Variants in GSE1 observed in about 807,000 individuals in gnomAD.
GSE1 encodes genetic suppressor element 1.
Under a neutral mutation model 112.6 loss-of-function variants are expected in GSE1, and 32 were observed. The ratio of observed to expected loss-of-function variants is 0.28; its 90% CI spans 0.21 to 0.38. The LOEUF (loss-of-function observed/expected upper bound fraction) is 0.38, where lower values mean the gene tolerates loss of function less well. GSE1 is among the 10% of genes least tolerant of loss of function. GSE1 has a pLI of 1.00. For missense variants in GSE1, 2,348 were observed against 1,699.2 expected (o/e 1.38, Z -6.71); for synonymous variants, 1,115 against 735.6 (o/e 1.52, Z -8.35).
chr16:85,645,530 G>A (rs1348023857), intron 2 of GSE1, among the ~76,000 whole-genome samples: 1 of 152,138 alleles, frequency 6.6e-6, no homozygotes, highest in Admixed American at 6.5e-5. Flanking sequence ...GAGCACCTTT[G>A]GGAGAGCAAA....
chr16:85,248,687 C>T (rs749367635), intron 1 of GSE1, among the ~76,000 whole-genome samples: 1 of 152,228 alleles, frequency 6.6e-6, no homozygotes, highest in African/African-American at 2.4e-5. Flanking sequence ...CTTTGGGAAC[C>T]TTATCTTGGC....
At chr16:85,257,777 T>A (rs1208509156) in intron 1 of GSE1, among the ~76,000 whole-genome samples, 5 of 152,298 alleles carry the variant, frequency 3.3e-5, no homozygotes, top group Non-Finnish European at 7.3e-5. Context: ...ATGGCATCAT[T>A]GCCTGGGCAA....
At chr16:85,440,939 C>T (rs1158823267) in intron 2 of GSE1, among the ~76,000 whole-genome samples, 1 of 152,204 alleles carries the variant, frequency 6.6e-6, no homozygotes, top group African/African-American at 2.4e-5. Flanking sequence ...CAATTCGAGC[C>T]CTGGGCCACT....
intron 1 of GSE1, among the ~76,000 whole-genome samples, chr16:85,346,418 GGTGA>G (rs2046739107): frequency 1.4e-5 from 1 of 71,272 alleles, no homozygotes; most frequent in African/African-American, 4.1e-5. Context: ...CGGGTGGATG[GGTGA>G]TGGACAGGTG....
intron 2 of GSE1, among the ~76,000 whole-genome samples, chr16:85,496,150 G>A (rs1317376112): frequency 3.3e-5 from 5 of 152,170 alleles, no homozygotes; most frequent in Non-Finnish European, 4.4e-5. Context: ...CCGAGCCTGC[G>A]GTGACAGTGA....
At position 85,383,364 on chromosome 16, in the gene GSE1, G is replaced by T. The variant is rs557045689; in HGVS notation, c.2464+25721G>T. Among the ~76,000 whole-genome samples the T allele has an allele frequency of 1.6e-4, 24 of 150,198 alleles. No homozygotes were observed. In the South Asian group the frequency reaches 5.1e-3, roughly 32 times the overall value. ...GACATACACCTGCACCCAATAGACA[G>T]CTGCATACACACAGCACACATACAC... On this transcript the variant is annotated intron_variant, in intron 2 of 2. Coordinates refer to the GSE1 transcript ENST00000637419.
At chr16:85,235,881 C>G (rs1001720108) in intron 1 of GSE1, among the ~76,000 whole-genome samples, 1 of 151,928 alleles carries the variant, frequency 6.6e-6, no homozygotes, top group Non-Finnish European at 1.5e-5. Context: ...CAGCGGCGCC[C>G]GCGCCCCGCC....
rs1336379204 is a variant in GSE1, at chr16:85,661,047, G to A, written c.1641-99G>A. On this transcript the variant is annotated intron_variant, in intron 8 of 15. Transcript: ENST00000253458. The stretch of plus-strand genomic sequence containing the variant: ...TGGCACTGGCTCTCTAAGGGGCTGC[G>A]CCATCTGTGTCATCTTAGGAGCGGC... 1.2e-5 allele frequency: 14 copies of A among 1,160,814 alleles called. No homozygotes were observed. In the South Asian group the frequency reaches 1.3e-4, roughly 11 times the overall value. The allele number at this position is 1,160,814 out of a possible 1,614,324, so 71.9% of individuals were successfully genotyped here. A position where few individuals can be genotyped will look rare whatever the true frequency, so the allele number is the denominator to read the frequency against.
intron 2 of GSE1, among the ~76,000 whole-genome samples, chr16:85,485,291 G>T (rs1303080077): frequency 6.6e-6 from 1 of 152,228 alleles, no homozygotes; most frequent in Non-Finnish European, 1.5e-5. Flanking sequence ...GAATGGCGTT[G>T]GTCCGGAGAG....
intron 1 of GSE1, among the ~76,000 whole-genome samples, chr16:85,313,212 C>A (rs944449851): frequency 1.3e-5 from 2 of 152,154 alleles, no homozygotes; most frequent in Non-Finnish European, 2.9e-5. Context: ...ATTCATGGAC[C>A]GGGGGCAGCA....
Position 85,666,029 on chromosome 16 carries a change from G to A in GSE1, c.2812G>A (p.Ala938Thr). 1 of 1,613,706 alleles carries A rather than the reference G, an allele frequency of 6.2e-7. No individual in the cohort carries two copies. The highest frequency in any genetic ancestry group is 8.5e-7 in the Non-Finnish European group (1 of 1,179,996). The part of the protein sequence containing the change: ...LDVEKPVGVA[A>T]SLSDIPKAAE... Reference sequence around the variant, plus strand: ...TGTGGAGAAGCCGGTTGGTGTTGCTGCTTCCTTGTCTGACATCCCAAAGGC... The same window carrying A: ...TGTGGAGAAGCCGGTTGGTGTTGCTACTTCCTTGTCTGACATCCCAAAGGC... Residue 938 changes from alanine (A) to threonine (T), a missense_variant, in exon 13 of 16, where the codon GCT becomes ACT. Ala to Thr is a moderately conservative substitution (Grantham distance 58). Transcript: ENST00000253458.
At chr16:85,653,361 C>T (rs555906750) in intron 3 of GSE1, among the ~76,000 whole-genome samples, 1 of 125,768 alleles carries the variant, frequency 8.0e-6, no homozygotes, top group South Asian at 3.0e-4. Context: ...CAAGCAAGGC[C>T]TTTTCATGCT....
intron 14 of GSE1, among the ~76,000 whole-genome samples, chr16:85,669,994 G>A (rs1047600144): frequency 3.3e-5 from 5 of 152,200 alleles, no homozygotes; most frequent in African/African-American, 9.6e-5. Context: ...TTTTAGGATC[G>A]CCTTATATTC....
Position 85,663,495 on chromosome 16 carries a change from G to T in GSE1, c.2525G>T (p.Arg842Ile). 6.2e-7 allele frequency: 1 copy of T among 1,613,978 alleles called. No homozygotes were observed. The highest frequency in any genetic ancestry group is 1.6e-4 in the Middle Eastern group (1 of 6,062). The change falls in exon 11 of 16, where the codon AGA (arginine) becomes ATA (isoleucine). Residue 842 changes from arginine to isoleucine, a missense_variant. Transcript: ENST00000253458. ...AGCAAGCGGCAGACGCCTTCACCGA[G>T]ACTGGCGCTGTCTACCCGCTACAGC... Reference protein sequence around the residue: ...IQSKRQTPSPRLALSTRYSPD... With the variant: ...IQSKRQTPSPILALSTRYSPD...
intron 1 of GSE1, among the ~76,000 whole-genome samples, chr16:85,246,999 G>A (rs565995455): frequency 6.6e-6 from 1 of 152,044 alleles, no homozygotes; most frequent in Non-Finnish European, 1.5e-5. Flanking sequence ...GGGGGTGGGG[G>A]TCCCTAGAGG....
intron 1 of GSE1, among the ~76,000 whole-genome samples, chr16:85,304,745 C>A (rs2045629173): frequency 6.6e-6 from 1 of 152,158 alleles, no homozygotes; most frequent in Admixed American, 6.5e-5. Flanking sequence ...CAGAGACAGG[C>A]CAGGGCCCTC....
chr16:85,404,887 C>A (rs1402070515), intron 2 of GSE1, among the ~76,000 whole-genome samples: 1 of 42,092 alleles, frequency 2.4e-5, no homozygotes, highest in Non-Finnish European at 4.6e-5. Flanking sequence ...CTGTTGCACT[C>A]AGGGCCCCCC....
At chr16:85,489,104 C>T (rs1398423921) in intron 2 of GSE1, among the ~76,000 whole-genome samples, 4 of 152,134 alleles carry the variant, frequency 2.6e-5, no homozygotes, top group African/African-American at 9.7e-5. Context: ...CGTGTGCTAC[C>T]AATGAGCTAC....
chr16:85,299,429 A>T (rs1307259649), intron 1 of GSE1, among the ~76,000 whole-genome samples: 3 of 152,312 alleles, frequency 2.0e-5, no homozygotes, highest in African/African-American at 7.2e-5. Flanking sequence ...TCACCTGGCC[A>T]CAGGGGAATC....
Sources: gnomAD v4.1 joint callset for allele counts (sites outside exome capture counted in the v4.1 genomes callset) on GRCh38, gnomAD v4.1.1 for gene constraint, MANE v1.5 for transcripts, NCBI Gene and HGNC (gene_info 2026-07-23, HGNC 2026-07-21) for gene names.